The following FAT1 variants were observed in gnomAD, a reference collection of about 807,000 sequenced individuals.
The protein encoded by FAT1 is protocadherin Fat 1.
A neutral mutation model predicts 329.8 loss-of-function variants in FAT1; 171 were observed. The ratio of observed to expected loss-of-function variants is 0.52; its 90% CI spans 0.46 to 0.59. The LOEUF (loss-of-function observed/expected upper bound fraction) is 0.59. Among genes scored for constraint, FAT1 ranks in the 20% least tolerant of loss-of-function variants. The pLI is 0.00. For missense variants in FAT1, 5,672 were observed against 5,774.4 expected (o/e 0.98, Z 0.57); for synonymous variants, 2,233 against 2,228.6 (o/e 1.00, Z -0.06).
chr4:186,696,976 T>C (rs931208165), intron 2 of FAT1, among the ~76,000 whole-genome samples: 6 of 152,122 alleles, frequency 3.9e-5, no homozygotes, highest in Admixed American at 2.6e-4. Context: ...CAGGCAGAGA[T>C]TGAGCCACTG....
chr4:186,706,033 T>C (rs1379927233), intron 2 of FAT1, among the ~76,000 whole-genome samples: 2 of 152,186 alleles, frequency 1.3e-5, no homozygotes, highest in Non-Finnish European at 2.9e-5. Flanking sequence ...CTACCCCGCC[T>C]CTGCCTCTCG....
intron 2 of FAT1, among the ~76,000 whole-genome samples, chr4:186,705,232 T>G (rs1744520773): frequency 6.6e-6 from 1 of 151,632 alleles, no homozygotes; most frequent in Admixed American, 6.6e-5. Context: ...GCGTGAGCCA[T>G]CGCACCCAGC....
In FAT1 at chr4:186,706,844, T is replaced by G; in HGVS notation, c.2984A>C (p.Gln995Pro). ...IVQQLDFEKK[Q>P]VYNLTVRAKD... The stretch of plus-strand genomic sequence containing the variant: ...GGCCCTCACAGTGAGATTATACACT[T>G]GCTTCTTCTCAAAGTCCAACTGCTG... Residue 995 changes from glutamine (Q) to proline (P), a missense_variant, in exon 2 of 27, where the codon CAA becomes CCA. Coordinates refer to ENST00000441802, the MANE Select transcript of FAT1 (RefSeq NM_005245.4). 1.9e-6 allele frequency: 3 copies of G among 1,613,938 alleles called. No homozygotes were observed. The highest frequency in any genetic ancestry group is 2.5e-6 in the Non-Finnish European group (3 of 1,179,882).
intron 3 of FAT1, among the ~76,000 whole-genome samples, chr4:186,659,838 C>T (rs1174199959): frequency 6.9e-6 from 1 of 145,684 alleles, no homozygotes; most frequent in African/African-American, 2.5e-5. Flanking sequence ...CTCCTGCACT[C>T]TACACACACA....
rs1272126150 is a variant in FAT1, at chr4:186,619,802, C to A, written c.6784G>T (p.Gly2262Cys). 5 of 1,613,954 alleles carry A rather than the reference C, an allele frequency of 3.1e-6. No homozygotes were observed. Among genetic ancestry groups the A allele is most frequent in the Non-Finnish European group, 3.4e-6 (4 of 1,179,896 alleles). ...TCCACAAATACTTCAGCATGAGCGC[C>A]CGTCAAGGAGTCAGTTGCGCGTATG... ...LSIRATDSLT[G>C]AHAEVFVDII... Residue 2262 changes from glycine to cysteine, a missense_variant, in exon 10 of 27, where the codon GGC becomes TGC. By Grantham distance (159) the Gly-to-Cys change is radical. This residue lies in a region of FAT1 where 3,966 missense variants were observed against 3,915.2 expected (regional missense o/e 1.01). Transcript: ENST00000441802.
intron 26 of FAT1, among the ~76,000 whole-genome samples, chr4:186,593,070 C>A (rs767278682): frequency 6.6e-6 from 1 of 152,164 alleles, no homozygotes; most frequent in Non-Finnish European, 1.5e-5. Flanking sequence ...CAAAACGATT[C>A]TTATTTTAAC....
Position 186,717,620 on chromosome 4 carries a change from A to C in FAT1, c.-19+6044T>G, listed in dbSNP as rs542587266. The stretch of plus-strand genomic sequence containing the variant: ...AGATTCCTGAAGTGTTCCTGCCCTT[A>C]AGAAAGATAAACAGATGTCCTATTT... On this transcript the variant is annotated intron_variant, in intron 1 of 26. Coordinates refer to ENST00000441802, the MANE Select transcript of FAT1 (RefSeq NM_005245.4). Among the ~76,000 whole-genome samples, 9 of 152,314 alleles carry C rather than the reference A, an allele frequency of 5.9e-5. No homozygotes were observed. In the South Asian group the frequency reaches 1.9e-3, roughly 32 times the overall value.
chr4:186,600,015 A>C lies in FAT1; in HGVS notation c.11986T>G (p.Tyr3996Asp). Reference protein sequence around the residue: ...ELPLNSKPRSYAHIEESVDVS... With the variant: ...ELPLNSKPRSDAHIEESVDVS... Reference sequence around the variant, plus strand: ...TCCACCGACTCTTCGATGTGTGCATAGCTTCTGGGTTTGCTGTTTAAAGGG... The same window carrying C: ...TCCACCGACTCTTCGATGTGTGCATCGCTTCTGGGTTTGCTGTTTAAAGGG... The change falls in exon 22 of 27, where the codon TAT (tyrosine) becomes GAT (aspartate). Residue 3996 changes from tyrosine to aspartate, a missense_variant. By Grantham distance (160) the Tyr-to-Asp change is radical. Around this residue, in one of 2 missense-constraint regions of FAT1, gnomAD observed 1,706 missense variants for 1,859.1 expected, o/e 0.92. Transcript: ENST00000441802. The C allele has an allele frequency of 6.2e-7, 1 of 1,613,988 alleles. No individual in the cohort carries two copies. The highest frequency in any genetic ancestry group is 2.2e-5 in the East Asian group (1 of 44,876).
At chr4:186,599,361 G>A (rs919610510) in intron 22 of FAT1, among the ~76,000 whole-genome samples, 8 of 152,168 alleles carry the variant, frequency 5.3e-5, no homozygotes, top group Admixed American at 4.6e-4. Context: ...TTATTGGTAA[G>A]TGGGCCTAAC....
intron 1 of FAT1, among the ~76,000 whole-genome samples, chr4:186,711,289 C>T (rs1212738074): frequency 2.0e-5 from 3 of 152,162 alleles, no homozygotes; most frequent in Non-Finnish European, 4.4e-5. Context: ...TCAAGTTGGC[C>T]ACCCTAACTT....
At chr4:186,714,452 C>A (rs975066375) in intron 1 of FAT1, among the ~76,000 whole-genome samples, 5 of 151,946 alleles carry the variant, frequency 3.3e-5, no homozygotes, top group Non-Finnish European at 5.9e-5. Flanking sequence ...TACGGGCTAT[C>A]CAAGTAAAGA....
chr4:186,624,350 C>T (rs1214455724), intron 9 of FAT1, among the ~76,000 whole-genome samples: 15 of 152,194 alleles, frequency 9.9e-5, no homozygotes, highest in Admixed American at 9.8e-4. Context: ...TGTAGACACA[C>T]ACTGGATGTT....
At position 186,667,749 on chromosome 4, in the gene FAT1, C is replaced by A. The variant is rs191983447; in HGVS notation, c.3266-4136G>T. Among the ~76,000 whole-genome samples, 3 of 152,278 alleles carry A rather than the reference C, an allele frequency of 2.0e-5. No homozygotes were observed. In the East Asian group the frequency reaches 5.8e-4, roughly 29 times the overall value. ...CATGGAAGTTGCATGATTTTCATCC[C>A]AGCTTTACACATGAGGAAAGAGAAG... On this transcript the variant is annotated intron_variant, in intron 2 of 26. Transcript: ENST00000441802.
Position 186,609,196 on chromosome 4 carries a change from A to G in FAT1, c.10193T>C (p.Leu3398Pro). Reference protein sequence around the residue: ...VRGEVKVTKLLDRETISGYTL... With the variant: ...VRGEVKVTKLPDRETISGYTL... ...TTTTTCACTTACCGTTTCTCGGTCG[A>G]GAAGTTTGGTCACTTTGACTTCTCC... Residue 3398 changes from leucine (L) to proline (P), a missense_variant, in exon 16 of 27, where the codon CTC becomes CCC. Leu to Pro is a moderately conservative substitution (Grantham distance 98). Transcript: ENST00000441802. 1 of 1,612,560 alleles carries G rather than the reference A, an allele frequency of 6.2e-7. No homozygotes were observed. The highest frequency in any genetic ancestry group is 8.5e-7 in the Non-Finnish European group (1 of 1,179,480).
chr4:186,594,680 A>ATATATATATATATATATACTTGAAAG (rs1738414997), intron 26 of FAT1, among the ~76,000 whole-genome samples: 3 of 95,406 alleles, frequency 3.1e-5, no homozygotes, highest in African/African-American at 1.1e-4. Flanking sequence ...TTGAAAGTAT[A>ATATATATATATATATATACTTGAAAG]TATATATATA....
intron 3 of FAT1, 97 bp from the exon 4 acceptor site, chr4:186,639,880 T>C (rs1741015495): frequency 9.7e-7 from 1 of 1,034,954 alleles, no homozygotes; most frequent in Middle Eastern, 2.7e-4. Context: ...CGGTAGCTCA[T>C]GCCTTAATCC....
chr4:186,633,433 C>T (rs538673932), intron 7 of FAT1, among the ~76,000 whole-genome samples: 16 of 152,194 alleles, frequency 1.1e-4, no homozygotes, highest in African/African-American at 3.6e-4. Context: ...GATGGTATAA[C>T]GTTGGTTTGG....
At chr4:186,725,606 T>C (rs1745693278), upstream of FAT1, among the ~76,000 whole-genome samples, 1 of 151,866 alleles carries the variant, frequency 6.6e-6, no homozygotes, top group African/African-American at 2.4e-5. This position sits in a 1 kb window ranked among gnomAD's most constrained non-coding sequence, Gnocchi z 5.4. Context: ...GATTTCAGAC[T>C]TAGGACTCTG....
chr4:186,616,297 A>C (rs1739706975), intron 11 of FAT1, among the ~76,000 whole-genome samples: 1 of 152,004 alleles, frequency 6.6e-6, no homozygotes, highest in African/African-American at 2.4e-5. Context: ...TGCCCACTGT[A>C]ATCCAGTTCA....
Sources: allele counts gnomAD v4.1 joint callset (sites outside exome capture counted in the v4.1 genomes callset), GRCh38; gene constraint gnomAD v4.1.1; regional missense constraint gnomAD v4.1.1; non-coding constraint Gnocchi (gnomAD v3.1); transcripts MANE v1.5; gene names NCBI Gene and HGNC (gene_info 2026-07-23, HGNC 2026-07-21).